Variants in RLIG1 observed in about 807,000 individuals in gnomAD.
The protein encoded by RLIG1 is RNA 5'-phosphate and 3'-OH ligase 1, also known as RNA ligase 1.
chr12:88,045,342 A>C, the RLIG1 span: 2 of 378,792 alleles, frequency 5.3e-6, no homozygotes, highest in Non-Finnish European at 9.5e-6. Flanking sequence ...TTTTCTAGTA[A>C]GAGAATGCTA....
the RLIG1 span, among the ~76,000 whole-genome samples, chr12:88,046,585 G>C: frequency 6.6e-6 from 1 of 152,134 alleles, no homozygotes; most frequent in Non-Finnish European, 1.5e-5. Flanking sequence ...TTGACCTGCA[G>C]GTCATAGTTT....
At chr12:88,049,066 A>G in the RLIG1 span, 1 of 513,042 alleles carries the variant, frequency 1.9e-6, no homozygotes, top group South Asian at 4.8e-5. Flanking sequence ...CAATCTAAGT[A>G]TAAAGGTACA....
chr12:88,036,162 G>A, the RLIG1 span: 2 of 1,107,276 alleles, frequency 1.8e-6, no homozygotes, highest in Non-Finnish European at 2.4e-6. Context: ...TGTTCTGTCC[G>A]AACCAGTGGC....
the RLIG1 span, chr12:88,042,570 A>T: frequency 3.8e-6 from 1 of 266,338 alleles, no homozygotes; most frequent in Non-Finnish European, 7.0e-6. Context: ...AACTCATACA[A>T]TATGACTATG....
At chr12:88,044,193 G>T in the RLIG1 span, 82 of 161,532 alleles carry the variant, frequency 5.1e-4, no homozygotes, top group Non-Finnish European at 8.8e-4. Flanking sequence ...AAACACCTAA[G>T]CCCCGGAAGT....
the RLIG1 span, among the ~76,000 whole-genome samples, chr12:88,037,359 C>A: frequency 6.6e-6 from 1 of 150,818 alleles, no homozygotes; most frequent in Non-Finnish European, 1.5e-5. Context: ...TAGTCTAAAG[C>A]CTTTTATGAC....
the RLIG1 span, among the ~76,000 whole-genome samples, chr12:88,047,455 AC>A: frequency 2.6e-5 from 4 of 152,052 alleles, no homozygotes; most frequent in Non-Finnish European, 5.9e-5. Flanking sequence ...CCTAGTTGTA[AC>A]TCTCTGAGTC....
the RLIG1 span, chr12:88,040,099 CAT>C: frequency 3.1e-6 from 3 of 980,922 alleles, no homozygotes; most frequent in South Asian, 1.3e-5. Context: ...TGTGCAAAGA[CAT>C]AGAGGCTATC....
At chr12:88,042,853 T>C in the RLIG1 span, 7 of 1,549,792 alleles carry the variant, frequency 4.5e-6, no homozygotes, top group Non-Finnish European at 6.1e-6. Flanking sequence ...CTCGACTAGA[T>C]AGAAAACCCA....
the RLIG1 span, chr12:88,035,871 C>T: frequency 6.6e-7 from 1 of 1,513,352 alleles, no homozygotes; most frequent in Non-Finnish European, 8.8e-7. Flanking sequence ...TGTAGGTTTC[C>T]CTGGGGAGGT....
chr12:88,035,751 G>T, the RLIG1 span: 1 of 1,582,234 alleles, frequency 6.3e-7, no homozygotes, highest in African/African-American at 1.3e-5. Context: ...ACGGAGGAGC[G>T]CCGGGCAGGC....
At chr12:88,043,466 TAATG>T in the RLIG1 span, 5 of 596,746 alleles carry the variant, frequency 8.4e-6, no homozygotes, top group African/African-American at 3.7e-5. Context: ...GTTGTGGTGA[TAATG>T]AATGGAGAAT....
chr12:88,035,595 A>T, the RLIG1 span: 1 of 1,542,134 alleles, frequency 6.5e-7, no homozygotes, highest in African/African-American at 1.4e-5. Flanking sequence ...CCGCGACTGG[A>T]CCGGGCGCCG....
the RLIG1 span, among the ~76,000 whole-genome samples, chr12:88,039,855 G>T: frequency 6.6e-6 from 1 of 152,150 alleles, no homozygotes; most frequent in Non-Finnish European, 1.5e-5. Flanking sequence ...GCAGGTATAT[G>T]ATTAAATATA....
At chr12:88,041,594 TTC>T in the RLIG1 span, 1 of 152,226 alleles carries the variant, frequency 6.6e-6, no homozygotes, top group Non-Finnish European at 1.5e-5. Context: ...TTCTGCTTTT[TTC>T]TGTTTGGATT....
At chr12:88,047,293 T>G in the RLIG1 span, among the ~76,000 whole-genome samples, 1 of 152,112 alleles carries the variant, frequency 6.6e-6, no homozygotes, top group African/African-American at 2.4e-5. Flanking sequence ...TCTCCCAGAC[T>G]TGAGTGTAGA....
the RLIG1 span, chr12:88,050,145 T>C: frequency 2.6e-6 from 1 of 387,700 alleles, no homozygotes; most frequent in Non-Finnish European, 4.5e-6. Context: ...AAAAATAAAT[T>C]TACTACTTAA....
At chr12:88,049,426 ATTATCT>A in the RLIG1 span, 1 of 1,280,192 alleles carries the variant, frequency 7.8e-7, no homozygotes, top group Non-Finnish European at 1.1e-6. Flanking sequence ...TAATGGAAAC[ATTATCT>A]TTAAAAGTTG....
the RLIG1 span, chr12:88,049,515 T>C: frequency 2.9e-6 from 2 of 680,910 alleles, no homozygotes; most frequent in South Asian, 1.9e-5. Context: ...AAAGTATTCC[T>C]GAATGGTCAA....
Sources: allele counts gnomAD v4.1 joint callset (sites outside exome capture counted in the v4.1 genomes callset), GRCh38; gene constraint gnomAD v4.1.1; transcripts MANE v1.5; gene names NCBI Gene and HGNC (gene_info 2026-07-23, HGNC 2026-07-21).